DLGAP2: variants seen among roughly 807,000 people sequenced by gnomAD.
DLGAP2 encodes the protein disks large-associated protein 2.
DLGAP2 carries 26 observed loss-of-function variants against 100.3 expected under a neutral mutation model. That is an observed-to-expected ratio of 0.26 (90% CI 0.19 to 0.36). DLGAP2 has a LOEUF of 0.36. Among genes scored for constraint, DLGAP2 ranks in the 10% least tolerant of loss-of-function variants. The pLI, the probability that DLGAP2 is intolerant of heterozygous loss-of-function variation, is 1.00. For missense variants in DLGAP2, 1,858 were observed against 1,453.2 expected (o/e 1.28, Z -4.53); for synonymous variants, 886 against 630.1 (o/e 1.41, Z -6.08).
chr8:965,209 G>C (rs1479924670), intron 2 of DLGAP2, among the ~76,000 whole-genome samples: 4 of 136,182 alleles, frequency 2.9e-5, no homozygotes, highest in Non-Finnish European at 6.2e-5. Flanking sequence ...CAGGGCTCCT[G>C]AGTCTGACCC....
chr8:1,549,342 T>A lies in DLGAP2; in HGVS notation c.889T>A (p.Trp297Arg), dbSNP rs773022297. The change falls in exon 5 of 15, where the codon TGG becomes AGG. Residue 297 changes from tryptophan (W) to arginine (R), a missense_variant. Coordinates refer to ENST00000637795, the MANE Select transcript of DLGAP2 (RefSeq NM_001346810.2). ...GKPRPGMSSW[W>R]SSDDNLDSDS... ...GCCCCGGCCCGGCATGAGCAGCTGG[T>A]GGAGCTCGGACGACAACCTGGACAG... 1.6e-5 allele frequency: 26 copies of A among 1,613,134 alleles called. No individual in the cohort carries two copies. Among genetic ancestry groups the A allele is most frequent in the Non-Finnish European group, 2.2e-5 (26 of 1,179,748 alleles).
intron 2 of DLGAP2, among the ~76,000 whole-genome samples, chr8:970,531 C>T: frequency 6.6e-6 from 1 of 152,058 alleles, no homozygotes; most frequent in Non-Finnish European, 1.5e-5. Context: ...ATAGAACAGG[C>T]CTGTTTTTTG....
intron 8 of DLGAP2, among the ~76,000 whole-genome samples, chr8:1,667,393 G>A (rs924774065): frequency 2.6e-5 from 4 of 152,118 alleles, no homozygotes; most frequent in African/African-American, 7.2e-5. Flanking sequence ...CATGCAACTC[G>A]AGTTTGGGAG....
At chr8:1,258,223 A>G (rs1213047190) in intron 2 of DLGAP2, among the ~76,000 whole-genome samples, 1 of 152,246 alleles carries the variant, frequency 6.6e-6, no homozygotes, top group African/African-American at 2.4e-5. Context: ...GCTGAAGTCA[A>G]GGTTTCAATA....
chr8:1,290,623 C>T (rs890624137), intron 3 of DLGAP2, among the ~76,000 whole-genome samples: 1 of 152,212 alleles, frequency 6.6e-6, no homozygotes. Flanking sequence ...ACCAGAAAGG[C>T]AGAGGCCTCC....
chr8:1,318,434 T>C (rs1408533430), intron 3 of DLGAP2, among the ~76,000 whole-genome samples: 1 of 150,634 alleles, frequency 6.6e-6, no homozygotes, highest in Non-Finnish European at 1.5e-5. Flanking sequence ...TTAGTGACCT[T>C]CGTTTCTTCG....
chr8:859,060 C>T (rs1452271112), intron 1 of DLGAP2, among the ~76,000 whole-genome samples: 3 of 151,456 alleles, frequency 2.0e-5, no homozygotes, highest in Non-Finnish European at 2.9e-5. Context: ...CATCGACATT[C>T]TTATTTTATT....
intron 3 of DLGAP2, among the ~76,000 whole-genome samples, chr8:1,374,783 A>C (rs972007401): frequency 6.6e-6 from 1 of 152,206 alleles, no homozygotes; most frequent in South Asian, 2.1e-4. Context: ...CGAGGCACCT[A>C]ACGTCAAGGC....
intron 1 of DLGAP2, among the ~76,000 whole-genome samples, chr8:800,911 C>G (rs1796138113): frequency 6.6e-6 from 1 of 151,880 alleles, no homozygotes; most frequent in Admixed American, 6.6e-5. Context: ...GTCCTCGCCC[C>G]CTCAAATGCT....
chr8:1,264,462 T>C (rs1455171868), intron 3 of DLGAP2, among the ~76,000 whole-genome samples: 2 of 152,242 alleles, frequency 1.3e-5, no homozygotes, highest in Non-Finnish European at 2.9e-5. Flanking sequence ...ATGGATAGGA[T>C]ATAAAGTTAC....
intron 3 of DLGAP2, among the ~76,000 whole-genome samples, chr8:1,360,793 C>T (rs1300305985): frequency 1.3e-5 from 2 of 152,128 alleles, no homozygotes; most frequent in Non-Finnish European, 1.5e-5. Flanking sequence ...GACACGGTTG[C>T]CCAGAGGCAC....
chr8:1,262,060 A>C (rs548422056), intron 3 of DLGAP2, among the ~76,000 whole-genome samples: 204 of 152,270 alleles, frequency 1.3e-3, no homozygotes, highest in African/African-American at 4.6e-3. Flanking sequence ...GGAAACACCT[A>C]TTTGCATTTT....
At chr8:1,491,397 T>TTCAGGCTGCTCCCCCGATCC (rs1799383133) in intron 3 of DLGAP2, among the ~76,000 whole-genome samples, 7 of 149,440 alleles carry the variant, frequency 4.7e-5, no homozygotes, top group Admixed American at 1.3e-4. Context: ...CCCCCTGACC[T>TTCAGGCTGCTCCCCCGATCC]CGGAGGCTTC....
chr8:1,267,569 A>AAT (rs1563051862), intron 3 of DLGAP2, among the ~76,000 whole-genome samples: 1 of 50,800 alleles, frequency 2.0e-5, no homozygotes, highest in Non-Finnish European at 4.0e-5. Flanking sequence ...AAAATAAAAT[A>AAT]AAATAAAATA....
intron 5 of DLGAP2, among the ~76,000 whole-genome samples, chr8:1,554,211 G>A (rs866160732): frequency 1.6e-4 from 24 of 152,276 alleles, no homozygotes; most frequent in South Asian, 1.0e-3. Flanking sequence ...TTGGTTGAAC[G>A]TGGGAGGTGG....
chr8:814,046 TG>T (rs1796419568), intron 1 of DLGAP2, among the ~76,000 whole-genome samples: 1 of 152,174 alleles, frequency 6.6e-6, no homozygotes, highest in Non-Finnish European at 1.5e-5. Flanking sequence ...AAGGAGGGAC[TG>T]GAAAAGAACT....
chr8:1,283,505 C>G (rs1162465812), intron 3 of DLGAP2, among the ~76,000 whole-genome samples: 2 of 152,226 alleles, frequency 1.3e-5, no homozygotes, highest in Non-Finnish European at 2.9e-5. Flanking sequence ...AGATGAATCA[C>G]TTTAGCAGCT....
chr8:1,451,685 C>A (rs530417103), intron 3 of DLGAP2, among the ~76,000 whole-genome samples: 28 of 152,292 alleles, frequency 1.8e-4, no homozygotes, highest in Non-Finnish European at 3.5e-4. Context: ...GCAGCCCCTT[C>A]TCAGCCATCA....
intron 8 of DLGAP2, among the ~76,000 whole-genome samples, chr8:1,633,712 A>G (rs928395267): frequency 2.0e-5 from 3 of 152,204 alleles, no homozygotes; most frequent in African/African-American, 7.2e-5. Flanking sequence ...AGCAAGCAAT[A>G]AAAGCTCGAG....
Sources: allele counts gnomAD v4.1 joint callset (sites outside exome capture counted in the v4.1 genomes callset), GRCh38; gene constraint gnomAD v4.1.1; transcripts MANE v1.5; gene names NCBI Gene and HGNC (gene_info 2026-07-23, HGNC 2026-07-21).